UBASH3B: variants seen among roughly 807,000 people sequenced by gnomAD.
UBASH3B encodes ubiquitin-associated and SH3 domain-containing protein B.
Under a neutral mutation model 83.4 loss-of-function variants are expected in UBASH3B, and 37 were observed. That is an observed-to-expected ratio of 0.44 (90% CI 0.34 to 0.58). UBASH3B has a LOEUF of 0.58. UBASH3B is among the 20% of genes least tolerant of loss of function. The probability of loss-of-function intolerance (pLI) is 0.01; values close to 1 mark genes in which losing one functional copy is unlikely to be tolerated. For synonymous variants in UBASH3B, 304 were observed against 318.3 expected (o/e 0.96, Z 0.48); for missense variants, 657 against 827.2 (o/e 0.79, Z 2.52).
At chr11:122,693,062 T>G (rs1032985574) in intron 1 of UBASH3B, among the ~76,000 whole-genome samples, 3 of 151,948 alleles carry the variant, frequency 2.0e-5, no homozygotes, top group African/African-American at 7.3e-5. Flanking sequence ...TCTCACAAAG[T>G]ACATTCTCAA....
rs553028756 is a variant in UBASH3B at position 122,744,733 on chromosome 11, T to C, written c.162-31486T>C. ...CTGTGTGTGACCTGATGTGAGTGTT[T>C]TGTGTGTGATTGTGTCAGTGTGTGA... On this transcript the variant is annotated intron_variant, in intron 1 of 13. Coordinates refer to ENST00000284273, the MANE Select transcript of UBASH3B (RefSeq NM_032873.5). Among the ~76,000 whole-genome samples, 8 of 152,142 alleles carry C rather than the reference T, an allele frequency of 5.3e-5. No homozygotes were observed. The South Asian group carries it at 6.2e-4, about 12-fold the overall frequency.
intron 1 of UBASH3B, among the ~76,000 whole-genome samples, chr11:122,743,646 A>G (rs1321351191): frequency 6.6e-6 from 1 of 152,170 alleles, no homozygotes; most frequent in Non-Finnish European, 1.5e-5. Flanking sequence ...AAAACTGTAG[A>G]ACACAAAGTG....
intron 1 of UBASH3B, among the ~76,000 whole-genome samples, chr11:122,658,481 A>G (rs1863392957): frequency 6.6e-6 from 1 of 152,210 alleles, no homozygotes; most frequent in Non-Finnish European, 1.5e-5. Context: ...CCTAATAGCT[A>G]GCATGTATTG....
At position 122,780,850 on chromosome 11, in the gene UBASH3B, G is replaced by T. The variant is rs1372433292; in HGVS notation, c.601+1155G>T. 2.0e-5 allele frequency among the ~76,000 whole-genome samples: 3 copies of T among 152,246 alleles called. No homozygotes were observed. The East Asian group carries it at 5.8e-4, about 29-fold the overall frequency. On this transcript the variant is annotated intron_variant, in intron 4 of 13. Transcript: ENST00000284273. ...CCGAGTGCTGAGTGCAAAGCTGGAGGAGACGTACAATTCCCCTACCCCTAA... is the reference window on the plus strand; with the variant it reads ...CCGAGTGCTGAGTGCAAAGCTGGAGTAGACGTACAATTCCCCTACCCCTAA...
chr11:122,662,537 T>C (rs1443704653), intron 1 of UBASH3B, among the ~76,000 whole-genome samples: 2 of 151,984 alleles, frequency 1.3e-5, no homozygotes, highest in Non-Finnish European at 2.9e-5. Flanking sequence ...GTTCAAGTGA[T>C]TCTCCTGCCT....
intron 1 of UBASH3B, among the ~76,000 whole-genome samples, chr11:122,678,768 C>T (rs899854316): frequency 6.6e-6 from 1 of 152,202 alleles, no homozygotes; most frequent in Non-Finnish European, 1.5e-5. Flanking sequence ...CTCCATCAGT[C>T]AGGAGAATGA....
intron 1 of UBASH3B, among the ~76,000 whole-genome samples, chr11:122,667,405 T>C (rs1227210918): frequency 6.6e-6 from 1 of 152,194 alleles, no homozygotes; most frequent in Non-Finnish European, 1.5e-5. Context: ...CACACATTTA[T>C]GTGCAACTAT....
intron 1 of UBASH3B, among the ~76,000 whole-genome samples, chr11:122,708,984 T>C (rs572918734): frequency 2.0e-5 from 3 of 152,258 alleles, no homozygotes; most frequent in Non-Finnish European, 1.5e-5. Flanking sequence ...CGGTGGTGCA[T>C]GCCTGTAACC....
At chr11:122,701,686 T>C (rs934970484) in intron 1 of UBASH3B, among the ~76,000 whole-genome samples, 2 of 152,102 alleles carry the variant, frequency 1.3e-5, no homozygotes, top group African/African-American at 4.8e-5. Flanking sequence ...GATAGAGAGC[T>C]GAAAATAGGA....
chr11:122,688,983 G>T (rs57824355), intron 1 of UBASH3B, among the ~76,000 whole-genome samples: 7 of 81,782 alleles, frequency 8.6e-5, no homozygotes, highest in South Asian at 3.8e-4. Flanking sequence ...GGAGGCGGGG[G>T]GGGGGGGGGT....
chr11:122,757,184 C>T (rs916438372), intron 1 of UBASH3B, among the ~76,000 whole-genome samples: 1 of 152,228 alleles, frequency 6.6e-6, no homozygotes, highest in African/African-American at 2.4e-5. Context: ...ATATTATGGA[C>T]TCAACATTTG....
chr11:122,779,271 A>G, intron 3 of UBASH3B: 1 of 587,668 alleles, frequency 1.7e-6, no homozygotes, highest in African/African-American at 1.9e-5. Flanking sequence ...CAGCAAGGAA[A>G]GGAGGGAAGA....
chr11:122,710,637 C>T (rs1038607496), intron 1 of UBASH3B, among the ~76,000 whole-genome samples: 3 of 152,030 alleles, frequency 2.0e-5, no homozygotes, highest in Non-Finnish European at 1.5e-5. Flanking sequence ...GCCGATATAG[C>T]CAAAAATGGA....
intron 1 of UBASH3B, 64 bp downstream of exon 1, chr11:122,656,274 G>A: frequency 7.7e-7 from 1 of 1,298,844 alleles, no homozygotes; most frequent in Non-Finnish European, 9.8e-7. Context: ...CCTCGGCTTC[G>A]CTCCGGCTCG....
At chr11:122,657,400 CACCTT>C (rs59944358) in intron 1 of UBASH3B, among the ~76,000 whole-genome samples, 2 of 152,162 alleles carry the variant, frequency 1.3e-5, no homozygotes, top group African/African-American at 4.8e-5. Context: ...GCGATTCTCC[CACCTT>C]AGCCTCCTGA....
intron 1 of UBASH3B, among the ~76,000 whole-genome samples, chr11:122,738,327 C>T (rs1860968741): frequency 6.6e-6 from 1 of 152,100 alleles, no homozygotes; most frequent in Admixed American, 6.5e-5. Flanking sequence ...GGGGAAGTGC[C>T]AAATTAGAGT....
chr11:122,760,153 T>G (rs937036208), intron 1 of UBASH3B, among the ~76,000 whole-genome samples: 4 of 152,208 alleles, frequency 2.6e-5, no homozygotes, highest in Non-Finnish European at 5.9e-5. Flanking sequence ...TAGCTCATGG[T>G]CTATTGCAAA....
intron 1 of UBASH3B, among the ~76,000 whole-genome samples, chr11:122,665,779 A>C (rs1204398695): frequency 6.6e-6 from 1 of 152,202 alleles, no homozygotes; most frequent in East Asian, 1.9e-4. Context: ...AAAAACAAAC[A>C]ATTTGTTTTC....
intron 1 of UBASH3B, among the ~76,000 whole-genome samples, chr11:122,735,245 G>A (rs1860913414): frequency 6.6e-6 from 1 of 152,110 alleles, no homozygotes. Context: ...ACTTAAAATA[G>A]TATTTTTAGT....
Sources: gnomAD v4.1 joint callset for allele counts (sites outside exome capture counted in the v4.1 genomes callset) on GRCh38, gnomAD v4.1.1 for gene constraint, MANE v1.5 for transcripts, NCBI Gene and HGNC (gene_info 2026-07-23, HGNC 2026-07-21) for gene names.